Variants in BCAP31 observed in about 807,000 individuals in gnomAD.
BCAP31 encodes the protein B cell receptor associated protein 31.
For missense variants in BCAP31, 124 were observed against 193.0 expected, an observed-to-expected ratio of 0.64 and a Z score of 2.12; for synonymous variants, 75 against 80.9, an observed-to-expected ratio of 0.93 and a Z score of 0.39.
At chrX:153,710,885 G>C (rs782040059) in intron 4 of BCAP31, among the ~76,000 whole-genome samples, 16 of 111,385 alleles carry the variant, frequency 1.4e-4, no homozygotes, top group Admixed American at 2.8e-4. Context: ...TCTGCTCCCC[G>C]ATCTTCTATC....
chrX:153,714,687 T>C (rs1557049761), intron 4 of BCAP31, among the ~76,000 whole-genome samples: 1 of 111,188 alleles, frequency 9.0e-6, no homozygotes, highest in African/African-American at 3.3e-5. Flanking sequence ...GGGGAATAAC[T>C]GTCCATGAGC....
At chrX:153,716,214 C>T (rs781806085) in intron 3 of BCAP31, among the ~76,000 whole-genome samples, 155 of 108,876 alleles carry the variant, frequency 1.4e-3, no homozygotes, top group African/African-American at 5.1e-3. Flanking sequence ...CTCCTTCCTC[C>T]AGCTTTTCAA....
chrX:153,723,464 C>T, intron 1 of BCAP31, 176 bp from the exon 2 acceptor site: 1 of 1,145,112 alleles, frequency 8.7e-7, no homozygotes, highest in South Asian at 2.0e-5. Flanking sequence ...TCTTGGCCAG[C>T]AGCGTTCACA....
At chrX:153,723,779 GCCCCC>G in intron 1 of BCAP31, 1 of 930,800 alleles carries the variant, frequency 1.1e-6, no homozygotes, top group Admixed American at 3.4e-5. Flanking sequence ...CGCTGCCGAC[GCCCCC>G]GCCTCCCACC....
At chrX:153,701,115 T>A in intron 7 of BCAP31, 140 bp from the exon 8 acceptor site, 1 of 517,946 alleles carries the variant, frequency 1.9e-6, no homozygotes. Flanking sequence ...AGGGGCCCCC[T>A]CCCCAGCTGC....
Position 153,700,773 on chromosome X carries a change from G to T in BCAP31, c.*164C>A. 1 of 477,936 alleles carries T rather than the reference G, an allele frequency of 2.1e-6. No individual in the cohort carries two copies. Among genetic ancestry groups the T allele is most frequent in the Middle Eastern group, 6.1e-4 (1 of 1,637 alleles). 39.4% of individuals were successfully genotyped at this position (477,936 alleles called of 1,213,427 possible). A position where few individuals can be genotyped will look rare whatever the true frequency, so the allele number is the denominator to read the frequency against. ...AATCAGGTCCCCTGTAATGTGCTTG[G>T]AGAGTGTGGACAAGGGCCGAGATGA... On this transcript the variant is annotated 3_prime_UTR_variant, in exon 8 of 8. Transcript: ENST00000345046.
rs2091511766 is a variant in BCAP31, at chrX:153,700,687, G to T, written c.*250C>A. On this transcript the variant is annotated 3_prime_UTR_variant, in exon 8 of 8. Coordinates refer to ENST00000345046, the MANE Select transcript of BCAP31 (RefSeq NM_001256447.2). ...CTCCACGCTCAGGCGTGGAAGCCAA[G>T]GCTGTGCCAGGCCTGGCCAGGCCAA... 2 of 346,128 alleles carry T rather than the reference G, an allele frequency of 5.8e-6. No homozygotes were observed. The highest frequency in any genetic ancestry group is 1.0e-5 in the Non-Finnish European group (2 of 200,157). 28.5% of individuals were successfully genotyped at this position (346,128 alleles called of 1,213,427 possible). A position where few individuals can be genotyped will look rare whatever the true frequency, so the allele number is the denominator to read the frequency against.
At chrX:153,723,503 A>G in intron 1 of BCAP31, 2 of 1,157,171 alleles carry the variant, frequency 1.7e-6, no homozygotes, top group South Asian at 3.8e-5. Flanking sequence ...TCGCTGGTCA[A>G]TTACCTGCCC....
intron 3 of BCAP31, among the ~76,000 whole-genome samples, chrX:153,716,578 CAAAAAAA>C (rs782072647): frequency 0.016 from 443 of 27,348 alleles, 5 homozygotes; most frequent in East Asian, 0.031. Context: ...TCTCTCTCAA[CAAAAAAA>C]AAAAAAAAAA....
At chrX:153,722,742 C>A (rs1557051340) in intron 2 of BCAP31, among the ~76,000 whole-genome samples, 2 of 111,721 alleles carry the variant, frequency 1.8e-5, no homozygotes, top group African/African-American at 6.5e-5. Flanking sequence ...AGCCACTGCG[C>A]AATACCAGTG....
At position 153,723,164 on chromosome X, in the gene BCAP31, A is replaced by G. The variant is rs148588137; in HGVS notation, c.81T>C (p.Ile27=). 83 of 1,208,011 alleles carry G rather than the reference A, an allele frequency of 6.9e-5. No individual in the cohort carries two copies. Among genetic ancestry groups the G allele is most frequent in the Middle Eastern group, 4.6e-4 (2 of 4,350 alleles). The change falls in exon 2 of 8, where the codon ATT becomes ATC. Residue 27 remains isoleucine (I), a synonymous_variant. Coordinates refer to ENST00000345046, the MANE Select transcript of BCAP31 (RefSeq NM_001256447.2). ...FVVLLLCIPF[I]SPKRWQKIFK... Reference sequence around the variant, plus strand: ...TCCATAGGCCATACCTTTTAGGAGAAATGAAGGGAATGCAGAGAAGCAACA... The same window carrying G: ...TCCATAGGCCATACCTTTTAGGAGAGATGAAGGGAATGCAGAGAAGCAACA...
intron 4 of BCAP31, among the ~76,000 whole-genome samples, chrX:153,704,303 C>A (rs1215606978): frequency 1.8e-5 from 2 of 112,135 alleles, no homozygotes; most frequent in African/African-American, 6.5e-5. Flanking sequence ...CTGTGCCCAA[C>A]GGCCACCCTC....
intron 4 of BCAP31, among the ~76,000 whole-genome samples, chrX:153,710,141 CAT>C (rs782750596): frequency 2.2e-4 from 25 of 112,053 alleles, no homozygotes; most frequent in Admixed American, 2.2e-3. Context: ...ATGAGACCCA[CAT>C]GACTGCTTCA....
intron 4 of BCAP31, among the ~76,000 whole-genome samples, chrX:153,710,621 T>A (rs2091585008): frequency 8.9e-6 from 1 of 111,779 alleles, no homozygotes; most frequent in Admixed American, 9.4e-5. Context: ...CCCACTGCTA[T>A]CCCAGGCAGC....
chrX:153,712,413 AATAAAT>A (rs2091598463), intron 4 of BCAP31, among the ~76,000 whole-genome samples: 1 of 19,545 alleles, frequency 5.1e-5, no homozygotes, highest in African/African-American at 7.8e-5. Context: ...AAAAAAAATA[AATAAAT>A]AAATAAATAA....
rs1468264384 is a variant in BCAP31 at position 153,702,050 on chromosome X, G to T, written c.659C>A (p.Thr220Asn). 2.5e-6 allele frequency: 3 copies of T among 1,211,786 alleles called. No homozygotes were observed. The African/African-American group carries it at 5.2e-5, about 21-fold the overall frequency. ...LAMRKQSEGL[T>N]KEYDRLLEEH... is the part of the protein sequence containing the mutation. ...CTCCAGCAAGCGGTCGTACTCCTTG[G>T]TGAGGCCCTCAGACTGCTTCCGCAT... Residue 220 changes from threonine (T) to asparagine (N), a missense_variant, in exon 7 of 8, where the codon ACC becomes AAC. Coordinates refer to ENST00000345046, the MANE Select transcript of BCAP31 (RefSeq NM_001256447.2).
intron 4 of BCAP31, among the ~76,000 whole-genome samples, chrX:153,709,487 CCAGCCCAGAGGGA>C (rs2148375218): frequency 1.8e-5 from 2 of 112,177 alleles, no homozygotes; most frequent in South Asian, 7.4e-4. Context: ...CACACAAACC[CCAGCCCAGAGGGA>C]GCTGCCGTCC....
At chrX:153,701,895 T>C (rs1267824407) in intron 7 of BCAP31, 112 bp downstream of exon 7, 2 of 671,559 alleles carry the variant, frequency 3.0e-6, no homozygotes, top group Non-Finnish European at 4.4e-6. Context: ...GGGGGAGTGG[T>C]GGAGAGGGCA....
chrX:153,705,787 G>A (rs1557048219), intron 4 of BCAP31, among the ~76,000 whole-genome samples: 1 of 111,982 alleles, frequency 8.9e-6, no homozygotes, highest in East Asian at 2.8e-4. Context: ...AGCTGGAATT[G>A]AGGGGTGGGG....
Sources: gnomAD v4.1 joint callset for allele counts (sites outside exome capture counted in the v4.1 genomes callset) on GRCh38, gnomAD v4.1.1 for gene constraint, MANE v1.5 for transcripts, NCBI Gene and HGNC (gene_info 2026-07-23, HGNC 2026-07-21) for gene names.